Variants in TAX1BP3 observed in about 807,000 individuals in gnomAD.
The protein encoded by TAX1BP3 is Tax1 binding protein 3.
TAX1BP3 carries 13 observed loss-of-function variants against 15.3 expected under a neutral mutation model. The observed-to-expected ratio is 0.85, with a 90% CI of 0.55 to 1.35. TAX1BP3 has a LOEUF of 1.35. TAX1BP3 is among the 40% of genes most tolerant of loss of function. The probability of loss-of-function intolerance (pLI) is 0.00; values close to 1 mark genes in which losing one functional copy is unlikely to be tolerated. For missense variants in TAX1BP3, 147 were observed against 169.6 expected (o/e 0.87, Z 0.74); for synonymous variants, 70 against 66.0 (o/e 1.06, Z -0.30).
rs145221596 is a variant in TAX1BP3 at position 3,665,541 on chromosome 17, C to T, written c.40-743G>A. ...TAAGAGCCGAGATAGCTTCCTGGAA[C>T]GCGTGAAGGAAAATGATCAGAAAAA... On this transcript the variant is annotated intron_variant, in intron 1 of 3. Transcript: ENST00000225525. The T allele has an allele frequency of 4.0e-4, 542 of 1,356,240 alleles. 6 individuals are homozygous for T. The East Asian group carries it at 0.011, about 29-fold the overall frequency. 84.0% of individuals were successfully genotyped at this position (1,356,240 alleles called of 1,614,324 possible). A position where few individuals can be genotyped will look rare whatever the true frequency, so the allele number is the denominator to read the frequency against.
In TAX1BP3 at chr17:3,668,498, G is replaced by A. The variant is rs147176889; in HGVS notation, c.29C>T (p.Thr10Ile). 4.3e-6 allele frequency: 7 copies of A among 1,609,840 alleles called. No individual in the cohort carries two copies. Among genetic ancestry groups the A allele is most frequent in the Non-Finnish European group, 5.9e-6 (7 of 1,178,802 alleles). The change falls in exon 1 of 4, where the codon ACC becomes ATC. Residue 10 changes from threonine to isoleucine, a missense_variant. By Grantham distance (89) the Thr-to-Ile change is moderately conservative. Transcript: ENST00000225525. This position sits in a 1 kb window ranked among gnomAD's most constrained non-coding sequence, Gnocchi z 4.1. ...CGCAAGCGCACTCACCACCACGGCG[G>A]TGACCGGCTGGCCCGGGATGTAGGA... MSYIPGQPV[T>I]AVVQRVEIHK...
intron 1 of TAX1BP3, among the ~76,000 whole-genome samples, chr17:3,667,180 T>G (rs1291145002): frequency 6.6e-6 from 1 of 151,776 alleles, no homozygotes. Flanking sequence ...CCCGTTCTAC[T>G]AAAAATACAA....
At chr17:3,664,313 A>C in intron 2 of TAX1BP3, 41 bp from the exon 3 acceptor site, 1 of 1,610,916 alleles carries the variant, frequency 6.2e-7, no homozygotes, top group Non-Finnish European at 8.5e-7. Flanking sequence ...TGGTCACTGG[A>C]CTGGCCCCTT....
At chr17:3,666,952 C>A (rs556686240) in intron 1 of TAX1BP3, among the ~76,000 whole-genome samples, 6 of 152,282 alleles carry the variant, frequency 3.9e-5, no homozygotes, top group Admixed American at 2.0e-4. Context: ...TGAGGTCACG[C>A]AGAAGGTGGC....
intron 3 of TAX1BP3, 134 bp downstream of exon 3, chr17:3,664,061 G>A: frequency 7.0e-7 from 1 of 1,434,388 alleles, no homozygotes; most frequent in South Asian, 1.2e-5. Context: ...GTCCTCTGGG[G>A]CAATGCCAGT....
chr17:3,665,868 A>T (rs1376657583), intron 1 of TAX1BP3, among the ~76,000 whole-genome samples: 1 of 151,660 alleles, frequency 6.6e-6, no homozygotes, highest in Non-Finnish European at 1.5e-5. Flanking sequence ...CAGAACTGGG[A>T]GGCGAGATGA....
At position 3,664,254 on chromosome 17, in the gene TAX1BP3, C is replaced by A; in HGVS notation, c.178G>T (p.Val60Leu). Residue 60 changes from valine to leucine, a missense_variant, in exon 3 of 4, where the codon GTG becomes TTG. Transcript: ENST00000225525. Reference protein sequence around the residue: ...KTDKGIYVTRVSEGGPAEIAG... With the variant: ...KTDKGIYVTRLSEGGPAEIAG... Reference sequence around the variant, plus strand: ...ATTTCAGCAGGGCCTCCTTCAGACACCCGTGTGACATAAATACCCTGGAAA... The same window carrying A: ...ATTTCAGCAGGGCCTCCTTCAGACAACCGTGTGACATAAATACCCTGGAAA... 2 of 1,614,050 alleles carry A rather than the reference C, an allele frequency of 1.2e-6. No homozygotes were observed. The highest frequency in any genetic ancestry group is 2.2e-5 in the East Asian group (1 of 44,884).
rs1349133017 is a variant in TAX1BP3 at position 3,668,249 on chromosome 17, C to T, written c.39+239G>A. On this transcript the variant is annotated intron_variant, in intron 1 of 3. Coordinates refer to ENST00000225525, the MANE Select transcript of TAX1BP3 (RefSeq NM_014604.4). The surrounding 1 kb of genome is among the most constrained non-coding windows in gnomAD (Gnocchi z 4.1). ...GGCCTTTCCCCGTGGCCCTCCCCGCCCTGCGCACGCAGTCTGGGCTCTGTC... is the reference window on the plus strand; with the variant it reads ...GGCCTTTCCCCGTGGCCCTCCCCGCTCTGCGCACGCAGTCTGGGCTCTGTC... 6.6e-6 allele frequency among the ~76,000 whole-genome samples: 1 copy of T among 152,226 alleles called. No individual in the cohort carries two copies. Among genetic ancestry groups the T allele is most frequent in the East Asian group, 1.9e-4 (1 of 5,186 alleles).
rs2076360729 is a variant in TAX1BP3, at chr17:3,668,051, CCCCACCCCCAGA to C, written c.39+425_39+436del. On this transcript the variant is annotated intron_variant, in intron 1 of 3. Transcript: ENST00000225525. The surrounding 1 kb of genome is among the most constrained non-coding windows in gnomAD (Gnocchi z 4.1). The stretch of plus-strand genomic sequence containing the variant: ...GGCTGCCACGGCAGGCTCGGGAGAG[CCCCACCCCCAGA>C]TCTCCCTCCGGGCGGCGGCGCAGGC... 6.6e-6 allele frequency among the ~76,000 whole-genome samples: 1 copy of C among 152,252 alleles called. No homozygotes were observed. Among genetic ancestry groups the C allele is most frequent in the Non-Finnish European group, 1.5e-5 (1 of 68,048 alleles).
In TAX1BP3 at chr17:3,665,471, T is replaced by G. The variant is rs1317286000; in HGVS notation, c.40-673A>C. The G allele has an allele frequency of 3.6e-6, 5 of 1,397,548 alleles. No homozygotes were observed. In the African/African-American group the frequency reaches 5.6e-5, roughly 16 times the overall value. 86.6% of individuals were successfully genotyped at this position (1,397,548 alleles called of 1,614,324 possible). On this transcript the variant is annotated intron_variant, in intron 1 of 3. Coordinates refer to ENST00000225525, the MANE Select transcript of TAX1BP3 (RefSeq NM_014604.4). ...TAAACAAACAAGTTAAGGGCAAGAT[T>G]CTTGCCAAGAGAATTAATGTGCGTA...
rs927201742 is a variant in TAX1BP3, at chr17:3,668,096, G to C, written c.39+392C>G. 3.9e-5 allele frequency among the ~76,000 whole-genome samples: 6 copies of C among 152,380 alleles called. No homozygotes were observed. The highest frequency in any genetic ancestry group is 1.4e-4 in the African/African-American group (6 of 41,600). Reference sequence around the variant, plus strand: ...CCGGGCGGCGGCGCAGGCTGCAGCGGAGGAAGCATTTCCTCATTCCAGAGG... The same window carrying C: ...CCGGGCGGCGGCGCAGGCTGCAGCGCAGGAAGCATTTCCTCATTCCAGAGG... On this transcript the variant is annotated intron_variant, in intron 1 of 3. Coordinates refer to ENST00000225525, the MANE Select transcript of TAX1BP3 (RefSeq NM_014604.4). The surrounding 1 kb of genome is among the most constrained non-coding windows in gnomAD (Gnocchi z 4.1).
intron 1 of TAX1BP3, among the ~76,000 whole-genome samples, chr17:3,667,573 GGACTTTCGCTTGACCTACTGCC>G (rs2076355703): frequency 6.6e-6 from 1 of 152,144 alleles, no homozygotes; most frequent in African/African-American, 2.4e-5. Context: ...TCCAGGGCGG[GGACTTTCGCTTGACCTACTGCC>G]CACCGGGCAG....
In TAX1BP3 at chr17:3,665,626, G is replaced by A. The variant is rs2076331548; in HGVS notation, c.40-828C>T. The A allele has an allele frequency of 4.2e-6, 5 of 1,196,374 alleles. No homozygotes were observed. The Admixed American group carries it at 8.5e-5, about 20-fold the overall frequency. 74.1% of individuals were successfully genotyped at this position (1,196,374 alleles called of 1,614,324 possible). On this transcript the variant is annotated intron_variant, in intron 1 of 3. Transcript: ENST00000225525. ...CTAAAGCACCAGCCTGCTCCACCCA[G>A]GGAAGCACACTTTGTGAGAACCAAC...
chr17:3,665,834 G>GACTGGAGTGTCC, intron 1 of TAX1BP3: 1 of 616,308 alleles, frequency 1.6e-6, no homozygotes, highest in East Asian at 2.7e-5. Flanking sequence ...GTGTTCGTGA[G>GACTGGAGTGTCC]ACTGGAGTGT....
intron 1 of TAX1BP3, among the ~76,000 whole-genome samples, chr17:3,667,599 C>CG (rs1381127976): frequency 1.3e-5 from 2 of 152,196 alleles, no homozygotes; most frequent in African/African-American, 2.4e-5. Context: ...TACTGCCCAC[C>CG]GGGCAGGCAT....
rs1380232184 is a variant in TAX1BP3 at position 3,663,583 on chromosome 17, C to T, written c.*165G>A. Reference sequence around the variant, plus strand: ...AAAGCCGGTCCCAGAGGCCCCAGGCCAGGGATGGGAGAAGGGAAGGAAGGC... The same window carrying T: ...AAAGCCGGTCCCAGAGGCCCCAGGCTAGGGATGGGAGAAGGGAAGGAAGGC... On this transcript the variant is annotated 3_prime_UTR_variant, in exon 4 of 4. Coordinates refer to ENST00000225525, the MANE Select transcript of TAX1BP3 (RefSeq NM_014604.4). 2 of 1,074,216 alleles carry T rather than the reference C, an allele frequency of 1.9e-6. No individual in the cohort carries two copies. The highest frequency in any genetic ancestry group is 3.2e-5 in the African/African-American group (2 of 62,664). The allele number at this position is 1,074,216 out of a possible 1,614,324, so 66.5% of individuals were successfully genotyped here.
intron 1 of TAX1BP3, among the ~76,000 whole-genome samples, chr17:3,667,405 C>G (rs763426324): frequency 2.0e-5 from 3 of 151,304 alleles, no homozygotes; most frequent in Non-Finnish European, 2.9e-5. Flanking sequence ...CAGCTGTCAG[C>G]TGGTCCAGCA....
rs570351551 is a variant in TAX1BP3 at position 3,667,307 on chromosome 17, T to C, written c.39+1181A>G. Among the ~76,000 whole-genome samples, 677 of 144,042 alleles carry C rather than the reference T, an allele frequency of 4.7e-3. 7 individuals carry two copies. The highest frequency in any genetic ancestry group is 0.017 in the African/African-American group (650 of 37,318). 94.5% of individuals were successfully genotyped at this position (144,042 alleles called of 152,430 possible). On this transcript the variant is annotated intron_variant, in intron 1 of 3. Coordinates refer to ENST00000225525, the MANE Select transcript of TAX1BP3 (RefSeq NM_014604.4). ...GCAATGAACCGAGATCGCGCCACTG[T>C]ACTCCAGCCTGGGCGACAGAGCAAG... is the stretch of plus-strand genomic sequence containing the variant.
intron 1 of TAX1BP3, 74 bp from the exon 2 acceptor site, chr17:3,664,872 C>T (rs538206719): frequency 2.4e-5 from 37 of 1,561,108 alleles, no homozygotes; most frequent in Admixed American, 2.2e-4. Flanking sequence ...CCAGCAGCAG[C>T]CTCAGAGCCA....
Sources: allele counts gnomAD v4.1 joint callset (sites outside exome capture counted in the v4.1 genomes callset), GRCh38; gene constraint gnomAD v4.1.1; non-coding constraint Gnocchi (gnomAD v3.1); transcripts MANE v1.5; gene names NCBI Gene and HGNC (gene_info 2026-07-23, HGNC 2026-07-21).